The following CACNA1E variants were observed in gnomAD, a reference collection of about 807,000 sequenced individuals.
CACNA1E encodes the protein calcium voltage-gated channel subunit alpha1 E, also known as voltage-dependent R-type calcium channel subunit alpha-1E.
CACNA1E carries 40 observed loss-of-function variants against 259.2 expected under a neutral mutation model. That is an observed-to-expected ratio of 0.15 (90% CI 0.12 to 0.20). The LOEUF is 0.20. Ranked by LOEUF, CACNA1E falls within the 10% of genes least tolerant of loss-of-function variation. The probability of loss-of-function intolerance (pLI) is 1.00; values close to 1 mark genes in which losing one functional copy is unlikely to be tolerated. For synonymous variants in CACNA1E, 1,104 were observed against 1,138.5 expected (o/e 0.97, Z 0.61); for missense variants, 1,874 against 3,040.1 (o/e 0.62, Z 9.02).
chr1:181,581,268 G>A (rs575985135), intron 6 of CACNA1E, among the ~76,000 whole-genome samples: 11 of 152,206 alleles, frequency 7.2e-5, no homozygotes, highest in African/African-American at 2.4e-4. Flanking sequence ...GGAATATTTA[G>A]GGGTGAAGGT....
Position 181,798,613 on chromosome 1 carries a change from G to A in CACNA1E, c.6721G>A (p.Ala2241Thr), listed in dbSNP as rs202118773. 303 of 1,612,992 alleles carry A rather than the reference G, an allele frequency of 1.9e-4. 2 individuals carry two copies. The South Asian group carries it at 2.7e-3, about 14-fold the overall frequency. The change falls in exon 48 of 48, where the codon GCC (alanine) becomes ACC (threonine). Residue 2241 changes from alanine to threonine, a missense_variant. By Grantham distance (58) the Ala-to-Thr change is moderately conservative (BLOSUM62 0). Around this residue, in one of 14 missense-constraint regions of CACNA1E, gnomAD observed 542 missense variants for 587.2 expected, o/e 0.92. Transcript: ENST00000367573. The surrounding 1 kb of genome is among the most constrained non-coding windows in gnomAD (Gnocchi z 4.2). ...PYLALHEDSH[A>T]SDCGEEETLT... is the part of the protein sequence containing the mutation. ...CTTGGCCCTGCACGAAGACTCCCAC[G>A]CCTCAGACTGTGGTGAGGAGGAGAC...
intron 21 of CACNA1E, among the ~76,000 whole-genome samples, chr1:181,735,288 CTCCCTCTGT>C (rs1425823486): frequency 1.3e-5 from 2 of 152,246 alleles, no homozygotes; most frequent in African/African-American, 4.8e-5. Context: ...AAGCTTTACT[CTCCCTCTGT>C]TGTAATTCCA....
chr1:181,545,392 C>A (rs892845463), intron 3 of CACNA1E, among the ~76,000 whole-genome samples: 1 of 152,158 alleles, frequency 6.6e-6, no homozygotes, highest in Non-Finnish European at 1.5e-5. Flanking sequence ...TTTAGATGTT[C>A]GTCCATTCCA....
intron 2 of CACNA1E, among the ~76,000 whole-genome samples, chr1:181,425,754 T>C (rs75197961): frequency 0.02 from 3,024 of 152,022 alleles, 115 homozygotes; most frequent in African/African-American, 0.067. Flanking sequence ...TTTTAGCTCC[T>C]TTAACCATCT....
At chr1:181,757,273 A>G (rs937096496) in intron 30 of CACNA1E, 147 bp downstream of exon 30, 10 of 641,326 alleles carry the variant, frequency 1.6e-5, no homozygotes, top group African/African-American at 1.3e-4. Context: ...CAGCCATTAA[A>G]TAAGCATTTT....
chr1:181,626,935 C>G (rs1359315789), intron 6 of CACNA1E, among the ~76,000 whole-genome samples: 2 of 152,154 alleles, frequency 1.3e-5, no homozygotes, highest in Non-Finnish European at 2.9e-5. Flanking sequence ...GTAGGACTTC[C>G]ATACTACACA....
intron 3 of CACNA1E, among the ~76,000 whole-genome samples, chr1:181,564,149 C>T (rs1268505811): frequency 6.6e-6 from 1 of 152,138 alleles, no homozygotes; most frequent in Non-Finnish European, 1.5e-5. Flanking sequence ...CAAGAACAAA[C>T]TTTGCTGTAT....
intron 23 of CACNA1E, among the ~76,000 whole-genome samples, chr1:181,738,015 CATG>C (rs1476142021): frequency 5.9e-5 from 9 of 152,182 alleles, no homozygotes; most frequent in African/African-American, 2.2e-4. Flanking sequence ...TGTCAGGAGA[CATG>C]AGGGACGCGA....
At position 181,603,788 on chromosome 1, in the gene CACNA1E, G is replaced by A. The variant is rs551341205; in HGVS notation, c.951+23012G>A. Among the ~76,000 whole-genome samples the A allele has an allele frequency of 6.6e-5, 10 of 152,276 alleles. No individual in the cohort carries two copies. In the South Asian group the frequency reaches 1.5e-3, roughly 22 times the overall value. On this transcript the variant is annotated intron_variant, in intron 6 of 47. Transcript: ENST00000367573. ...GGACTAATCTATAGTTCTCAGAGGG[G>A]CCAGTTGTCTTGTTGCCTCCTGTTC...
intron 1 of CACNA1E, among the ~76,000 whole-genome samples, chr1:181,399,616 G>A (rs918797170): frequency 3.9e-5 from 6 of 152,230 alleles, no homozygotes; most frequent in African/African-American, 1.4e-4. Flanking sequence ...TGACTGTGGA[G>A]GGAATGTGAT....
intron 7 of CACNA1E, among the ~76,000 whole-genome samples, chr1:181,691,305 A>T (rs2102323183): frequency 6.6e-6 from 1 of 151,750 alleles, no homozygotes; most frequent in East Asian, 1.9e-4. Flanking sequence ...TACTTATTTA[A>T]TTTTTTTAGG....
At chr1:181,694,165 C>T (rs979761444) in intron 7 of CACNA1E, among the ~76,000 whole-genome samples, 5 of 152,110 alleles carry the variant, frequency 3.3e-5, no homozygotes, top group South Asian at 2.1e-4. Context: ...GTCATTACCA[C>T]GTGATGTTTA....
Position 181,641,992 on chromosome 1 carries a change from G to A in CACNA1E, c.952-9346G>A, listed in dbSNP as rs139657587. 2.4e-3 allele frequency among the ~76,000 whole-genome samples: 367 copies of A among 152,152 alleles called. 1 individual carries two copies. Among genetic ancestry groups the A allele is most frequent in the African/African-American group, 8.3e-3 (346 of 41,494 alleles). ...TTCCCAAAGTGCTGGGATTACAGGC[G>A]TGAGCCACCGCGCCTGGCCTGGGGC... On this transcript the variant is annotated intron_variant, in intron 6 of 47. Transcript: ENST00000367573.
intron 1 of CACNA1E, among the ~76,000 whole-genome samples, chr1:181,354,083 A>G (rs949879601): frequency 1.3e-5 from 2 of 151,718 alleles, no homozygotes; most frequent in African/African-American, 4.8e-5. Context: ...CTTTATTTAT[A>G]TAGTATTTAC....
chr1:181,779,816 A>ATG (rs999940733), intron 38 of CACNA1E, among the ~76,000 whole-genome samples: 3 of 98,370 alleles, frequency 3.0e-5, no homozygotes, highest in African/African-American at 1.1e-4. Context: ...GTATATGCAC[A>ATG]TGTACACACA....
At chr1:181,684,436 A>ATTCTTTTGTTAGT (rs1361754185) in intron 7 of CACNA1E, among the ~76,000 whole-genome samples, 1 of 152,108 alleles carries the variant, frequency 6.6e-6, no homozygotes, top group Non-Finnish European at 1.5e-5. Context: ...TTGTCTGTTT[A>ATTCTTTTGTTAGT]TTCTTTTGTT....
intron 2 of CACNA1E, among the ~76,000 whole-genome samples, chr1:181,432,797 C>T (rs886702599): frequency 6.6e-5 from 10 of 152,032 alleles, no homozygotes; most frequent in African/African-American, 1.7e-4. Flanking sequence ...GGATTGGTCT[C>T]GATCAGTGCT....
intron 17 of CACNA1E, among the ~76,000 whole-genome samples, chr1:181,725,248 T>G (rs1654792796): frequency 6.6e-6 from 1 of 152,348 alleles, no homozygotes; most frequent in East Asian, 1.9e-4. Context: ...CTTGAGGGTC[T>G]TCTTATCTGC....
chr1:181,438,303 T>C (rs557097721), intron 2 of CACNA1E, among the ~76,000 whole-genome samples: 3 of 152,334 alleles, frequency 2.0e-5, no homozygotes, highest in African/African-American at 7.2e-5. Context: ...AACTGAAGGC[T>C]AGAGTGGGCA....
Sources: allele counts gnomAD v4.1 joint callset (sites outside exome capture counted in the v4.1 genomes callset), GRCh38; gene constraint gnomAD v4.1.1; regional missense constraint gnomAD v4.1.1; non-coding constraint Gnocchi (gnomAD v3.1); transcripts MANE v1.5; gene names NCBI Gene and HGNC (gene_info 2026-07-23, HGNC 2026-07-21).